The following SHROOM3 variants were observed in gnomAD, a reference collection of about 807,000 sequenced individuals.
SHROOM3 encodes shroom family member 3.
SHROOM3 carries 47 observed loss-of-function variants against 138.6 expected under a neutral mutation model. The ratio of observed to expected loss-of-function variants is 0.34; its 90% CI spans 0.27 to 0.43. The LOEUF is 0.43. Among genes scored for constraint, SHROOM3 ranks in the 20% least tolerant of loss-of-function variants. The pLI, the probability that SHROOM3 is intolerant of heterozygous loss-of-function variation, is 1.00. For missense variants in SHROOM3, 2,491 were observed against 2,596.5 expected (o/e 0.96, Z 0.88); for synonymous variants, 1,062 against 1,063.3 (o/e 1.00, Z 0.02).
chr4:76,672,817 T>A (rs1332436713), intron 2 of SHROOM3, among the ~76,000 whole-genome samples: 2 of 152,176 alleles, frequency 1.3e-5, no homozygotes, highest in African/African-American at 4.8e-5. Context: ...GTGATCCGCC[T>A]GCCTCGGCCT....
At chr4:76,774,135 G>C (rs964632918) in intron 10 of SHROOM3, among the ~76,000 whole-genome samples, 1 of 152,172 alleles carries the variant, frequency 6.6e-6, no homozygotes, top group African/African-American at 2.4e-5. Flanking sequence ...ATGAGGGGAA[G>C]GGTAGAGCAG....
intron 1 of SHROOM3, among the ~76,000 whole-genome samples, chr4:76,444,077 C>A (rs1198138354): frequency 6.6e-6 from 1 of 151,902 alleles, no homozygotes; most frequent in Non-Finnish European, 1.5e-5. Context: ...GTGGACACCA[C>A]CACACCCGGC....
intron 1 of SHROOM3, among the ~76,000 whole-genome samples, chr4:76,500,118 C>G (rs141148903): frequency 2.0e-5 from 3 of 152,120 alleles, no homozygotes; most frequent in African/African-American, 4.8e-5. Flanking sequence ...TGCTCCAGTT[C>G]GGACATTAGA....
chr4:76,735,423 G>C (rs1721007770), intron 4 of SHROOM3, among the ~76,000 whole-genome samples: 1 of 152,094 alleles, frequency 6.6e-6, no homozygotes, highest in Admixed American at 6.5e-5. Context: ...ATACCTAACA[G>C]AGGCCTTCCA....
intron 2 of SHROOM3, among the ~76,000 whole-genome samples, chr4:76,584,353 T>C (rs1175580990): frequency 6.6e-6 from 1 of 152,074 alleles, no homozygotes; most frequent in African/African-American, 2.4e-5. Flanking sequence ...TAGATTTCTT[T>C]TACTGTAACA....
chr4:76,771,627 C>T (rs1310892148), intron 10 of SHROOM3, among the ~76,000 whole-genome samples: 1 of 152,166 alleles, frequency 6.6e-6, no homozygotes, highest in Non-Finnish European at 1.5e-5. Context: ...ACCCCCTCCT[C>T]GAAGGGAGGG....
chr4:76,727,471 A>G (rs1007105389), intron 3 of SHROOM3, among the ~76,000 whole-genome samples: 4 of 152,190 alleles, frequency 2.6e-5, no homozygotes, highest in African/African-American at 4.8e-5. Flanking sequence ...CCGGTTGAAG[A>G]TGCAGCAGCC....
intron 1 of SHROOM3, among the ~76,000 whole-genome samples, chr4:76,445,181 A>C (rs1173959365): frequency 6.6e-6 from 1 of 151,958 alleles, no homozygotes; most frequent in Non-Finnish European, 1.5e-5. Flanking sequence ...AGTGCTTTGT[A>C]GGTATCCAGC....
In SHROOM3 at chr4:76,606,014, T is replaced by A. The variant is rs1361210757; in HGVS notation, c.323+50251T>A. Among the ~76,000 whole-genome samples the A allele has an allele frequency of 9.4e-3, 1,156 of 122,352 alleles. 2 individuals carry two copies. Among genetic ancestry groups the A allele is most frequent in the African/African-American group, 0.013 (410 of 32,380 alleles). 80.3% of individuals were successfully genotyped at this position (122,352 alleles called of 152,430 possible). On this transcript the variant is annotated intron_variant, in intron 2 of 10. Coordinates refer to ENST00000296043, the MANE Select transcript of SHROOM3 (RefSeq NM_020859.4). ...ACATATATATATATATATATTTTTT[T>A]TTTTTTTTTTTTTTTTCTGAGACGG...
intron 2 of SHROOM3, among the ~76,000 whole-genome samples, chr4:76,669,375 GT>G (rs1401132273): frequency 6.6e-6 from 1 of 152,032 alleles, no homozygotes; most frequent in Non-Finnish European, 1.5e-5. Flanking sequence ...AATCCTAGCA[GT>G]TTGGGAGGCC....
chr4:76,778,764 T>A, intron 10 of SHROOM3, 45 bp from the exon 11 acceptor site: 4 of 1,611,652 alleles, frequency 2.5e-6, no homozygotes, highest in Non-Finnish European at 3.4e-6. Flanking sequence ...GGCTCTTTTC[T>A]CCCTTTCCCT....
At chr4:76,698,896 C>A (rs1181482628) in intron 2 of SHROOM3, among the ~76,000 whole-genome samples, 6 of 152,166 alleles carry the variant, frequency 3.9e-5, no homozygotes, top group East Asian at 1.9e-4. Context: ...TGCAAAAAAA[C>A]CCCTCCACTT....
At chr4:76,693,485 G>A (rs1719629089) in intron 2 of SHROOM3, among the ~76,000 whole-genome samples, 1 of 148,580 alleles carries the variant, frequency 6.7e-6, no homozygotes, top group Non-Finnish European at 1.5e-5. Flanking sequence ...CCGGGTTCAA[G>A]CGATTCTCCT....
At chr4:76,533,364 A>G (rs946533492) in intron 1 of SHROOM3, among the ~76,000 whole-genome samples, 4 of 152,184 alleles carry the variant, frequency 2.6e-5, no homozygotes, top group African/African-American at 7.2e-5. Flanking sequence ...GGAAATTGAA[A>G]AGACATTTAA....
chr4:76,667,422 G>T (rs934306089), intron 2 of SHROOM3, among the ~76,000 whole-genome samples: 1 of 151,978 alleles, frequency 6.6e-6, no homozygotes, highest in Non-Finnish European at 1.5e-5. Context: ...GGGCTCAGGC[G>T]ATCCTCCCAC....
Position 76,778,785 on chromosome 4 carries a change from G to C in SHROOM3, c.5623-24G>C, listed in dbSNP as rs1194827444. On this transcript the variant is annotated intron_variant, in intron 10 of 10. Coordinates refer to ENST00000296043, the MANE Select transcript of SHROOM3 (RefSeq NM_020859.4). ...TTTCTCCCTTTCCCTGGCCTTCATT[G>C]ATCTGTCCAATTTTCCCTGGCAGAG... 3.1e-6 allele frequency: 5 copies of C among 1,611,914 alleles called. No homozygotes were observed. The East Asian group carries it at 8.9e-5, about 29-fold the overall frequency.
chr4:76,759,406 A>G lies in SHROOM3; in HGVS notation c.5199-139A>G, dbSNP rs1721923170. 5.2e-6 allele frequency: 6 copies of G among 1,161,750 alleles called. No individual in the cohort carries two copies. In the South Asian group the frequency reaches 8.0e-5, roughly 15 times the overall value. 72.0% of individuals were successfully genotyped at this position (1,161,750 alleles called of 1,614,324 possible). ...GTACATAGTAATCACTCATTAGTTA[A>G]CAGTTACTAGTTTATCCTAATTTCT... On this transcript the variant is annotated intron_variant, in intron 8 of 10. Transcript: ENST00000296043.
rs750817300 is a variant in SHROOM3, at chr4:76,778,821, G to A, written c.5635G>A (p.Glu1879Lys). Residue 1879 changes from glutamate to lysine, a missense_variant, in exon 11 of 11, where the codon GAG becomes AAG. Transcript: ENST00000296043. Reference protein sequence around the residue: ...ASNEERSSLYEKRKILAGQHE... With the variant: ...ASNEERSSLYKKRKILAGQHE... The stretch of plus-strand genomic sequence containing the variant: ...TTTTCCCTGGCAGAGCTCTCTTTAC[G>A]AGAAAAGGAAGATCCTGGCTGGTCA... 13 of 1,612,216 alleles carry A rather than the reference G, an allele frequency of 8.1e-6. No individual in the cohort carries two copies. The South Asian group carries it at 8.8e-5, about 11-fold the overall frequency.
chr4:76,696,331 G>A (rs1719727593), intron 2 of SHROOM3, among the ~76,000 whole-genome samples: 1 of 152,154 alleles, frequency 6.6e-6, no homozygotes, highest in Non-Finnish European at 1.5e-5. Context: ...TAAGCCCTTT[G>A]TGTCGGTTCC....
Sources: allele counts gnomAD v4.1 joint callset (sites outside exome capture counted in the v4.1 genomes callset), GRCh38; gene constraint gnomAD v4.1.1; transcripts MANE v1.5; gene names NCBI Gene and HGNC (gene_info 2026-07-23, HGNC 2026-07-21).